FANCB: variants seen among roughly 807,000 people sequenced by gnomAD.
The protein encoded by FANCB is Fanconi anemia group B protein.
FANCB carries 5 observed loss-of-function variants against 38.9 expected under a neutral mutation model. The observed-to-expected ratio is 0.13, with a 90% CI of 0.07 to 0.27. The LOEUF (loss-of-function observed/expected upper bound fraction) is 0.27. FANCB is among the 10% of genes least tolerant of loss of function. The pLI, the probability that FANCB is intolerant of heterozygous loss-of-function variation, is 1.00. For missense variants in FANCB, 573 were observed against 602.7 expected (o/e 0.95, Z 0.52); for synonymous variants, 236 against 215.4 (o/e 1.10, Z -0.84).
chrX:14,696,095 A>G, the FANCB span, among the ~76,000 whole-genome samples: 10 of 109,224 alleles, frequency 9.2e-5, no homozygotes, highest in African/African-American at 3.0e-4. Flanking sequence ...GAAGACAAAG[A>G]GAAGACAATA....
the FANCB span, among the ~76,000 whole-genome samples, chrX:14,735,489 C>A: frequency 1.8e-5 from 2 of 112,003 alleles, no homozygotes; most frequent in Admixed American, 9.4e-5. Context: ...ACAGTCAGGA[C>A]CCTCTGCTGC....
chrX:14,784,608 A>T, the FANCB span, among the ~76,000 whole-genome samples: 4 of 112,463 alleles, frequency 3.6e-5, no homozygotes, highest in African/African-American at 1.3e-4. Context: ...TGGTGTGGTG[A>T]TTACTCAAAG....
chrX:14,865,082 T>C lies in FANCB; in HGVS notation c.429A>G (p.Leu143=). ...AGAAGAATGCTTTGACATGCCTCCA[T>C]AAAATTAAAGGGCCATTAAGGACCC... ...GLRVLNGPLI[L]WRHVKAFFFI... Residue 143 remains leucine, a synonymous_variant, in exon 3 of 10, where the codon TTA becomes TTG. Transcript: ENST00000650831. 8.3e-7 allele frequency: 1 copy of C among 1,210,524 alleles called. No individual in the cohort carries two copies. Among genetic ancestry groups the C allele is most frequent in the Non-Finnish European group, 1.1e-6 (1 of 894,938 alleles).
chrX:14,767,894 T>C, the FANCB span, among the ~76,000 whole-genome samples: 3 of 112,460 alleles, frequency 2.7e-5, no homozygotes, highest in Admixed American at 1.9e-4. Flanking sequence ...GTTTCAGTTT[T>C]CTGCATATGG....
the FANCB span, among the ~76,000 whole-genome samples, chrX:14,815,321 T>TA: frequency 5.6e-4 from 54 of 97,135 alleles, no homozygotes; most frequent in South Asian, 1.3e-3. Context: ...AAGTATAATT[T>TA]AAAAAAAAGT....
At chrX:14,706,158 T>C in the FANCB span, among the ~76,000 whole-genome samples, 3 of 89,381 alleles carry the variant, frequency 3.4e-5, no homozygotes, top group African/African-American at 1.2e-4. Context: ...GAAGCCAAGT[T>C]TGAGAACCTT....
chrX:14,708,893 G>A, the FANCB span, among the ~76,000 whole-genome samples: 2 of 110,383 alleles, frequency 1.8e-5, no homozygotes, highest in African/African-American at 6.6e-5. Context: ...CCGAGATCGC[G>A]CCATTGCACT....
At chrX:14,766,667 TTTTC>T in the FANCB span, among the ~76,000 whole-genome samples, 1 of 107,732 alleles carries the variant, frequency 9.3e-6, no homozygotes, top group South Asian at 3.9e-4. Context: ...TCATCTTTCT[TTTTC>T]TTTTTTTTTT....
chrX:14,702,938 AG>A, the FANCB span, among the ~76,000 whole-genome samples: 2 of 111,046 alleles, frequency 1.8e-5, no homozygotes, highest in Admixed American at 1.9e-4. Flanking sequence ...GGTGAATCAG[AG>A]GGGGCTCACT....
rs771950360 is a variant in FANCB, at chrX:14,845,047, G to A, written c.1736C>T (p.Thr579Ile). 3 of 1,206,548 alleles carry A rather than the reference G, an allele frequency of 2.5e-6. No homozygotes were observed. In the South Asian group the frequency reaches 5.3e-5, roughly 21 times the overall value. Residue 579 changes from threonine to isoleucine, a missense_variant, in exon 8 of 10, where the codon ACT (threonine) becomes ATT (isoleucine). Thr to Ile is a moderately conservative substitution (Grantham distance 89, BLOSUM62 -1). Transcript: ENST00000650831. ...PSKKECVQII[T>I]AVTSLSPLLT... is the part of the protein sequence containing the mutation. ...AAGTGGTGAAAGAGATGTTACAGCA[G>A]TAATTATCTGTACACACTCTTTCTT...
intron 7 of FANCB, among the ~76,000 whole-genome samples, chrX:14,849,766 T>C (rs938668923): frequency 1.8e-5 from 2 of 111,881 alleles, no homozygotes; most frequent in African/African-American, 3.3e-5. Flanking sequence ...CGTGAGACTA[T>C]AGCATCTTAA....
chrX:14,835,819 T>C (rs1042752364), downstream of FANCB: 2 of 112,842 alleles, frequency 1.8e-5, no homozygotes, highest in Non-Finnish European at 3.7e-5. Flanking sequence ...TGTACACTGT[T>C]GGTGGGAATG....
the FANCB span, among the ~76,000 whole-genome samples, chrX:14,736,303 G>A: frequency 9.0e-6 from 1 of 111,033 alleles, no homozygotes; most frequent in Non-Finnish European, 1.9e-5. Flanking sequence ...AACTCCTACA[G>A]CTAGCTTGGT....
chrX:14,805,627 G>A, the FANCB span, among the ~76,000 whole-genome samples: 11 of 112,067 alleles, frequency 9.8e-5, no homozygotes, highest in South Asian at 1.1e-3. Context: ...CTCTGCCTCA[G>A]CACAGGCATT....
the FANCB span, among the ~76,000 whole-genome samples, chrX:14,704,000 A>C: frequency 9.0e-6 from 1 of 111,710 alleles, no homozygotes; most frequent in Non-Finnish European, 1.9e-5. Context: ...AAACAAACTA[A>C]GGTGCAATGC....
chrX:14,825,958 G>A, the FANCB span, among the ~76,000 whole-genome samples: 1 of 112,156 alleles, frequency 8.9e-6, no homozygotes, highest in Admixed American at 9.5e-5. Flanking sequence ...AGCCCTGGAA[G>A]TTAACAGAGA....
At chrX:14,763,524 C>T in the FANCB span, among the ~76,000 whole-genome samples, 1 of 111,819 alleles carries the variant, frequency 8.9e-6, no homozygotes, top group South Asian at 3.7e-4. Flanking sequence ...CAGAGAAGCA[C>T]GGTGGGTCAC....
the FANCB span, among the ~76,000 whole-genome samples, chrX:14,723,762 C>G: frequency 1.3e-3 from 144 of 111,964 alleles, 1 homozygote; most frequent in Middle Eastern, 4.6e-3. Flanking sequence ...TTTTTTAAAT[C>G]TCTAATGAAA....
At chrX:14,738,550 T>G in the FANCB span, among the ~76,000 whole-genome samples, 18 of 112,178 alleles carry the variant, frequency 1.6e-4, no homozygotes, top group African/African-American at 5.8e-4. Context: ...AAAAGTCACA[T>G]AAGTTTTCCC....
Sources: allele counts gnomAD v4.1 joint callset (sites outside exome capture counted in the v4.1 genomes callset), GRCh38; gene constraint gnomAD v4.1.1; transcripts MANE v1.5; gene names NCBI Gene and HGNC (gene_info 2026-07-23, HGNC 2026-07-21).